SH3GL1: variants seen among roughly 807,000 people sequenced by gnomAD.
The protein encoded by SH3GL1 is SH3 domain containing GRB2 like 1, endophilin A2, also known as endophilin-A2.
A neutral mutation model predicts 48.8 loss-of-function variants in SH3GL1; 21 were observed. The ratio of observed to expected loss-of-function variants is 0.43; its 90% CI spans 0.30 to 0.62. The LOEUF (loss-of-function observed/expected upper bound fraction) is 0.62. Ranked by LOEUF, SH3GL1 falls within the 20% of genes least tolerant of loss-of-function variation. SH3GL1 has a pLI of 0.11. For missense variants in SH3GL1, 454 were observed against 503.0 expected (o/e 0.90, Z 0.93); for synonymous variants, 282 against 217.5 (o/e 1.30, Z -2.61).
In SH3GL1 at chr19:4,377,298, G is replaced by A. The variant is rs1013063383; in HGVS notation, c.46-10304C>T. Among the ~76,000 whole-genome samples, 6 of 152,328 alleles carry A rather than the reference G, an allele frequency of 3.9e-5. No individual in the cohort carries two copies. The East Asian group carries it at 7.7e-4, about 20-fold the overall frequency. On this transcript the variant is annotated intron_variant, in intron 1 of 9. Transcript: ENST00000269886. ...AAGCACTGGAGGCCAAACAGAAACC[G>A]CCTAAATCCCTGCCTGGCTGCCAGC...
In SH3GL1 at chr19:4,363,386, C is replaced by G; in HGVS notation, c.712G>C (p.Glu238Gln). ...QAVQILDELA[E>Q]KLKRRMREAS... ...TGGGCTCACCTGCGCTTGAGCTTCT[C>G]CGCCAGCTCGTCCAGGATCTGCACG... The change falls in exon 7 of 10, where the codon GAG (glutamate) becomes CAG (glutamine). Residue 238 changes from glutamate (E) to glutamine (Q), a missense_variant. Around this residue, in one of 2 missense-constraint regions of SH3GL1, gnomAD observed 278 missense variants for 246.8 expected, o/e 1.13. Coordinates refer to ENST00000269886, the MANE Select transcript of SH3GL1 (RefSeq NM_003025.4). The G allele has an allele frequency of 6.2e-7, 1 of 1,606,460 alleles. No individual in the cohort carries two copies. The highest frequency in any genetic ancestry group is 8.5e-7 in the Non-Finnish European group (1 of 1,177,042).
intron 1 of SH3GL1, among the ~76,000 whole-genome samples, chr19:4,370,517 C>G (rs1599599476): frequency 1.3e-5 from 2 of 152,188 alleles, no homozygotes; most frequent in South Asian, 2.1e-4. Context: ...GGTGGGGGCC[C>G]CCTCCCCACT....
intron 1 of SH3GL1, among the ~76,000 whole-genome samples, chr19:4,369,116 C>T (rs971862608): frequency 3.3e-5 from 5 of 152,144 alleles, no homozygotes; most frequent in East Asian, 1.9e-4. Flanking sequence ...TCACACCCAC[C>T]GCGGGAGGGC....
At position 4,389,828 on chromosome 19, in the gene SH3GL1, T is replaced by A. The variant is rs941978309; in HGVS notation, c.45+10496A>T. Among the ~76,000 whole-genome samples the A allele has an allele frequency of 1.3e-5, 2 of 152,186 alleles. No individual in the cohort carries two copies. Among genetic ancestry groups the A allele is most frequent in the African/African-American group, 4.8e-5 (2 of 41,434 alleles). On this transcript the variant is annotated intron_variant, in intron 1 of 9. Coordinates refer to ENST00000269886, the MANE Select transcript of SH3GL1 (RefSeq NM_003025.4). The surrounding 1 kb of genome is among the most constrained non-coding windows in gnomAD (Gnocchi z 4.5). The stretch of plus-strand genomic sequence containing the variant: ...GCTCATATTCCAGTGGCAACGGCAA[T>A]GGAATAATCACTCCCATTGGCATGA...
At chr19:4,379,442 T>C (rs796324185) in intron 1 of SH3GL1, among the ~76,000 whole-genome samples, 8 of 142,472 alleles carry the variant, frequency 5.6e-5, no homozygotes, top group Non-Finnish European at 9.1e-5. Context: ...AAAAAAAAAA[T>C]AAAGCAGCAA....
Position 4,367,421 on chromosome 19 carries a change from C to T in SH3GL1, c.46-427G>A, listed in dbSNP as rs550700306. Reference sequence around the variant, plus strand: ...CCCATCCTTGAGTATGTGGGGTCTACTTAAAAAAAAAAATCCTGCCAGCTT... The same window carrying T: ...CCCATCCTTGAGTATGTGGGGTCTATTTAAAAAAAAAAATCCTGCCAGCTT... On this transcript the variant is annotated intron_variant, in intron 1 of 9. Coordinates refer to ENST00000269886, the MANE Select transcript of SH3GL1 (RefSeq NM_003025.4). This position sits in a 1 kb window ranked among gnomAD's most constrained non-coding sequence, Gnocchi z 4.2. Among the ~76,000 whole-genome samples the T allele has an allele frequency of 6.6e-6, 1 of 150,572 alleles. No homozygotes were observed. Among genetic ancestry groups the T allele is most frequent in the South Asian group, 2.1e-4 (1 of 4,816 alleles).
chr19:4,364,638 C>T (rs187301264), intron 4 of SH3GL1: 138 of 193,210 alleles, frequency 7.1e-4, no homozygotes, highest in African/African-American at 3.2e-3. Context: ...ACCATATAGA[C>T]CACACCGGTC....
intron 1 of SH3GL1, among the ~76,000 whole-genome samples, chr19:4,370,092 G>A (rs959752312): frequency 5.9e-5 from 9 of 152,258 alleles, no homozygotes; most frequent in East Asian, 3.8e-4. Context: ...TGGGCGCCAC[G>A]GGGAGGCTCA....
intron 1 of SH3GL1, among the ~76,000 whole-genome samples, chr19:4,384,052 C>T (rs1010176488): frequency 2.0e-5 from 3 of 152,200 alleles, no homozygotes; most frequent in African/African-American, 7.2e-5. Flanking sequence ...ACAGGGAGCA[C>T]GTGAGTCCTG....
At position 4,362,652 on chromosome 19, in the gene SH3GL1, G is replaced by A. The variant is rs1253805778; in HGVS notation, c.813C>T (p.Ser271=). ...EPFDLGEPEQ[S]NGGFPCTTAP... ...CTGTGGTGCAGGGGAAGCCCCCGTT[G>A]GACTGCTCAGGCTCTCCAAGGTCAA... The change falls in exon 8 of 10, where the codon TCC becomes TCT. Residue 271 remains serine (S), a synonymous_variant. Transcript: ENST00000269886. The A allele has an allele frequency of 1.2e-6, 2 of 1,613,872 alleles. No homozygotes were observed. The highest frequency in any genetic ancestry group is 4.5e-5 in the East Asian group (2 of 44,894).
chr19:4,366,168 G>A (rs913193885), intron 3 of SH3GL1, among the ~76,000 whole-genome samples: 1 of 152,222 alleles, frequency 6.6e-6, no homozygotes, highest in Non-Finnish European at 1.5e-5. Flanking sequence ...GTCCAGGCCA[G>A]GGGCACTGGG....
At chr19:4,366,320 G>C (rs1430157812) in intron 3 of SH3GL1, among the ~76,000 whole-genome samples, 181 bp downstream of exon 3, 2 of 152,184 alleles carry the variant, frequency 1.3e-5, no homozygotes, top group Non-Finnish European at 2.9e-5. Flanking sequence ...CAGAGGGGCT[G>C]AGCTGCTGGT....
In SH3GL1 at chr19:4,400,460, T is replaced by C; in HGVS notation, c.-92A>G. 2 of 1,150,478 alleles carry C rather than the reference T, an allele frequency of 1.7e-6. No homozygotes were observed. Among genetic ancestry groups the C allele is most frequent in the South Asian group, 3.5e-5 (1 of 28,612 alleles). The allele number at this position is 1,150,478 out of a possible 1,614,324, so 71.3% of individuals were successfully genotyped here. Reference sequence around the variant, plus strand: ...CCTCTGCGCGCCTCAGCAGTCCCCGTCGGCGCCGCCTCCGCCACCCGCTTG... The same window carrying C: ...CCTCTGCGCGCCTCAGCAGTCCCCGCCGGCGCCGCCTCCGCCACCCGCTTG... On this transcript the variant is annotated 5_prime_UTR_variant, in exon 1 of 10. Coordinates refer to ENST00000269886, the MANE Select transcript of SH3GL1 (RefSeq NM_003025.4). This position sits in a 1 kb window ranked among gnomAD's most constrained non-coding sequence, Gnocchi z 4.1.
chr19:4,380,356 G>A (rs1973096134), intron 1 of SH3GL1: 1 of 152,554 alleles, frequency 6.6e-6, no homozygotes, highest in African/African-American at 2.4e-5. Context: ...ATGACAGACA[G>A]GACGCCAGCG....
chr19:4,370,958 C>T (rs1972887849), intron 1 of SH3GL1, among the ~76,000 whole-genome samples: 2 of 152,238 alleles, frequency 1.3e-5, no homozygotes, highest in Admixed American at 6.5e-5. Flanking sequence ...CGGAGACCTG[C>T]CCACTCTATG....
At chr19:4,394,877 G>C (rs1416264379) in intron 1 of SH3GL1, among the ~76,000 whole-genome samples, 3 of 152,350 alleles carry the variant, frequency 2.0e-5, no homozygotes, top group South Asian at 4.1e-4. Context: ...TGCATTGTAG[G>C]ATGCTTGGCA....
intron 1 of SH3GL1, among the ~76,000 whole-genome samples, chr19:4,398,950 G>C (rs751836988): frequency 5.9e-5 from 9 of 152,142 alleles, no homozygotes; most frequent in Non-Finnish European, 1.3e-4. Flanking sequence ...GTAAACAATA[G>C]AGATATCTAT....
rs1041173721 is a variant in SH3GL1 at position 4,360,605 on chromosome 19, T to C, written c.*995A>G. ...AACTCCCCATTTCATCGATTTTGCA[T>C]TGGGCGATAGAGGAAGCAGATGTCG... On this transcript the variant is annotated 3_prime_UTR_variant, in exon 10 of 10. Coordinates refer to ENST00000269886, the MANE Select transcript of SH3GL1 (RefSeq NM_003025.4). The C allele has an allele frequency of 1.3e-5, 3 of 232,206 alleles. No homozygotes were observed. The highest frequency in any genetic ancestry group is 2.6e-5 in the Non-Finnish European group (3 of 117,612). The allele number at this position is 232,206 out of a possible 1,614,324, so 14.4% of individuals were successfully genotyped here. A position where few individuals can be genotyped will look rare whatever the true frequency, so the allele number is the denominator to read the frequency against.
chr19:4,370,648 C>T (rs1183034950), intron 1 of SH3GL1, among the ~76,000 whole-genome samples: 1 of 152,242 alleles, frequency 6.6e-6, no homozygotes, highest in East Asian at 1.9e-4. Context: ...CTCCCCATGC[C>T]TGGAACAAAC....
Sources: allele counts gnomAD v4.1 joint callset (sites outside exome capture counted in the v4.1 genomes callset), GRCh38; gene constraint gnomAD v4.1.1; regional missense constraint gnomAD v4.1.1; non-coding constraint Gnocchi (gnomAD v3.1); transcripts MANE v1.5; gene names NCBI Gene and HGNC (gene_info 2026-07-23, HGNC 2026-07-21).